RAD51B: variants seen among roughly 807,000 people sequenced by gnomAD.
RAD51B encodes DNA repair protein RAD51 homolog 2.
A neutral mutation model predicts 42.2 loss-of-function variants in RAD51B; 38 were observed. The observed-to-expected ratio is 0.90, with a 90% CI of 0.70 to 1.18. RAD51B has a LOEUF of 1.18. Ranked by LOEUF, RAD51B falls within the 50% of genes most tolerant of loss-of-function variation. The probability of loss-of-function intolerance (pLI) is 0.00; values close to 1 mark genes in which losing one functional copy is unlikely to be tolerated. For missense variants in RAD51B, 373 were observed against 400.7 expected, an observed-to-expected ratio of 0.93 and a Z score of 0.59; for synonymous variants, 154 against 145.2, an observed-to-expected ratio of 1.06 and a Z score of -0.43.
At chr14:68,598,967 G>A (rs1166072124), downstream of RAD51B, among the ~76,000 whole-genome samples, 3 of 152,008 alleles carry the variant, frequency 2.0e-5, no homozygotes, top group Non-Finnish European at 4.4e-5. Flanking sequence ...GAACTGGGAA[G>A]AAAAAAAATC....
intron 11 of RAD51B, chr14:68,682,930 T>TTTTTTGGG: frequency 1.3e-6 from 1 of 796,820 alleles, no homozygotes; most frequent in Non-Finnish European, 1.5e-6. Context: ...TTTTTTTTTT[T>TTTTTTGGG]GTATAGGGCA....
intron 9 of RAD51B, among the ~76,000 whole-genome samples, chr14:68,438,388 T>A (rs1258732765): frequency 6.6e-6 from 1 of 151,688 alleles, no homozygotes; most frequent in East Asian, 1.9e-4. Flanking sequence ...GTGGATGAGG[T>A]TTTACTCACT....
chr14:68,275,196 A>T (rs2081196398), intron 7 of RAD51B, among the ~76,000 whole-genome samples: 1 of 152,252 alleles, frequency 6.6e-6, no homozygotes, highest in Non-Finnish European at 1.5e-5. Context: ...GTTTAACTCC[A>T]GAAGGCCATC....
intron 10 of RAD51B, among the ~76,000 whole-genome samples, chr14:68,489,179 T>G (rs1883880057): frequency 6.6e-6 from 1 of 152,044 alleles, no homozygotes; most frequent in African/African-American, 2.4e-5. Context: ...TTATAAAATA[T>G]TGTATAAGCC....
exon 11 of RAD51B, chr14:68,594,892 A>G: frequency 2.7e-6 from 3 of 1,093,350 alleles, no homozygotes; most frequent in Non-Finnish European, 3.4e-6. Flanking sequence ...CATGGAGTAC[A>G]TTTTCTCCCT....
At chr14:68,371,381 G>C (rs1206111919) in intron 8 of RAD51B, among the ~76,000 whole-genome samples, 1 of 152,196 alleles carries the variant, frequency 6.6e-6, no homozygotes, top group African/African-American at 2.4e-5. Context: ...AGCTGGGCGT[G>C]GTGGTGCATG....
intron 9 of RAD51B, among the ~76,000 whole-genome samples, chr14:68,439,184 ACACTCT>A (rs761344248): frequency 3.4e-5 from 3 of 89,100 alleles, no homozygotes; most frequent in African/African-American, 8.4e-5. Flanking sequence ...ACACACACAC[ACACTCT>A]CTCACACACA....
chr14:68,568,549 A>G (rs1889535160), intron 10 of RAD51B, among the ~76,000 whole-genome samples: 1 of 152,210 alleles, frequency 6.6e-6, no homozygotes, highest in Non-Finnish European at 1.5e-5. Context: ...TTTCCTGGCC[A>G]TCCCTTGCTC....
intron 7 of RAD51B, among the ~76,000 whole-genome samples, chr14:68,032,339 A>G (rs761981461): frequency 3.3e-5 from 5 of 152,074 alleles, no homozygotes; most frequent in Non-Finnish European, 7.4e-5. Flanking sequence ...TCTCTTCACC[A>G]TCACAGCTAT....
Position 68,143,027 on chromosome 14 carries a change from G to T in RAD51B, c.757-148857G>T, listed in dbSNP as rs1301644204. Reference sequence around the variant, plus strand: ...GCGCGGAGGGCGAGGGGGTGGGGGGGGAGTTATTATGCTGTCTGAGATGGA... The same window carrying T: ...GCGCGGAGGGCGAGGGGGTGGGGGGTGAGTTATTATGCTGTCTGAGATGGA... On this transcript the variant is annotated intron_variant, in intron 7 of 10. Transcript: ENST00000471583. Among the ~76,000 whole-genome samples the T allele has an allele frequency of 2.6e-5, 4 of 151,450 alleles. No homozygotes were observed. The East Asian group carries it at 7.7e-4, about 29-fold the overall frequency.
chr14:68,479,690 C>G (rs553000421), downstream of RAD51B, among the ~76,000 whole-genome samples: 39 of 52,884 alleles, frequency 7.4e-4, no homozygotes, highest in South Asian at 0.012. Context: ...TTTTTTTTTG[C>G]CAGAGTCTCA....
chr14:67,858,512 C>T (rs1431653851), intron 4 of RAD51B, among the ~76,000 whole-genome samples: 1 of 152,122 alleles, frequency 6.6e-6, no homozygotes, highest in Non-Finnish European at 1.5e-5. Flanking sequence ...ATGGGGAGTG[C>T]ATGCTGATTG....
At chr14:68,426,817 G>A (rs2084862654) in intron 9 of RAD51B, among the ~76,000 whole-genome samples, 1 of 151,464 alleles carries the variant, frequency 6.6e-6, no homozygotes, top group Non-Finnish European at 1.5e-5. Flanking sequence ...ACCCCGAGGG[G>A]ATTTTGGAGA....
At position 68,552,751 on chromosome 14, in the gene RAD51B, G is replaced by A. The variant is rs553733072; in HGVS notation, c.1037-41734G>A. On this transcript the variant is annotated intron_variant, in intron 10 of 10. Transcript: ENST00000487270. The stretch of plus-strand genomic sequence containing the variant: ...CTGTGGAGGCATTTCCATTCTCCAC[G>A]CCTCAGTTCCCACTGTAATGTTAAT... Among the ~76,000 whole-genome samples, 6 of 152,168 alleles carry A rather than the reference G, an allele frequency of 3.9e-5. No individual in the cohort carries two copies. In the South Asian group the frequency reaches 6.2e-4, roughly 16 times the overall value.
intron 7 of RAD51B, among the ~76,000 whole-genome samples, chr14:67,934,250 A>G (rs1335341507): frequency 1.3e-5 from 2 of 152,206 alleles, no homozygotes; most frequent in Admixed American, 6.5e-5. Flanking sequence ...TAGCAAAGCA[A>G]TTGCCTGTGA....
chr14:68,422,281 G>A (rs2084721656), intron 9 of RAD51B: 5 of 709,354 alleles, frequency 7.0e-6, no homozygotes, highest in Non-Finnish European at 1.0e-5. Flanking sequence ...GGGTAGAGGA[G>A]GTTGGGTGCG....
intron 7 of RAD51B, among the ~76,000 whole-genome samples, chr14:68,165,669 A>G (rs2078733820): frequency 6.6e-6 from 1 of 152,250 alleles, no homozygotes; most frequent in Middle Eastern, 3.4e-3. Flanking sequence ...CCAAGACTGG[A>G]CTGGATTTGT....
chr14:68,031,253 G>C (rs1157466373), intron 7 of RAD51B, among the ~76,000 whole-genome samples: 1 of 152,142 alleles, frequency 6.6e-6, no homozygotes, highest in Non-Finnish European at 1.5e-5. Flanking sequence ...AGTGAAATGG[G>C]TTTCCCCTTA....
intron 7 of RAD51B, among the ~76,000 whole-genome samples, chr14:68,186,325 C>T (rs2079157210): frequency 6.6e-6 from 1 of 152,142 alleles, no homozygotes; most frequent in African/African-American, 2.4e-5. Flanking sequence ...TGACTAAGTC[C>T]TCAAAGCAAT....
Sources: gnomAD v4.1 joint callset for allele counts (sites outside exome capture counted in the v4.1 genomes callset) on GRCh38, gnomAD v4.1.1 for gene constraint, MANE v1.5 for transcripts, NCBI Gene and HGNC (gene_info 2026-07-23, HGNC 2026-07-21) for gene names.